The following LRTM3 variants were observed in gnomAD, a reference collection of about 807,000 sequenced individuals.
LRTM3 encodes the protein leucine-rich repeat transmembrane protein 3.
chr13:102,739,208 T>C, the LRTM3 span: 11 of 1,550,204 alleles, frequency 7.1e-6, no homozygotes, highest in African/African-American at 9.6e-5. Flanking sequence ...ATTGCTCCGT[T>C]GTGGTTCTTT....
chr13:102,733,153 C>A, the LRTM3 span: 2 of 1,551,438 alleles, frequency 1.3e-6, no homozygotes, highest in Admixed American at 3.9e-5. Context: ...GGATAGTGTT[C>A]GTCCTGGTCT....
the LRTM3 span, chr13:102,747,954 C>G: frequency 3.3e-5 from 51 of 1,551,120 alleles, no homozygotes; most frequent in Non-Finnish European, 8.7e-7. Context: ...GAATTTGCCT[C>G]TTTCTCCTGT....
the LRTM3 span, among the ~76,000 whole-genome samples, chr13:102,750,840 A>C: frequency 3.3e-5 from 5 of 152,202 alleles, no homozygotes; most frequent in Non-Finnish European, 5.9e-5. Flanking sequence ...CTTTGAGATC[A>C]AAAGAAAAGC....
At chr13:102,745,363 C>A in the LRTM3 span, 32 of 1,550,362 alleles carry the variant, frequency 2.1e-5, no homozygotes, top group Non-Finnish European at 2.6e-5. Flanking sequence ...TTTCTCTTAG[C>A]GTGTCTTTTT....
At chr13:102,758,734 G>A in the LRTM3 span, 14 of 1,550,160 alleles carry the variant, frequency 9.0e-6, no homozygotes, top group Non-Finnish European at 8.7e-7. Context: ...TTTTCAGGAA[G>A]TGTGGGCTTC....
the LRTM3 span, chr13:102,746,986 A>T: frequency 6.4e-7 from 1 of 1,551,170 alleles, no homozygotes; most frequent in Admixed American, 2.0e-5. Context: ...GGATTGGTTG[A>T]TGCATTTCTT....
the LRTM3 span, chr13:102,732,411 AAT>A: frequency 6.4e-7 from 1 of 1,551,196 alleles, no homozygotes; most frequent in African/African-American, 1.4e-5. Context: ...TTCATAGTTA[AAT>A]ATTTGGTGCT....
At chr13:102,748,006 C>T in the LRTM3 span, 3 of 1,551,014 alleles carry the variant, frequency 1.9e-6, no homozygotes, top group Non-Finnish European at 2.6e-6. Flanking sequence ...ATGTACAGCT[C>T]TTATCAATGT....
At chr13:102,739,852 T>C in the LRTM3 span, 2 of 1,550,132 alleles carry the variant, frequency 1.3e-6, no homozygotes, top group Non-Finnish European at 1.7e-6. Flanking sequence ...TTTCACTCAT[T>C]CTATGTTTCA....
the LRTM3 span, chr13:102,744,635 C>G: frequency 6.4e-7 from 1 of 1,550,804 alleles, no homozygotes; most frequent in Non-Finnish European, 8.7e-7. Context: ...CGGTTCAGAT[C>G]CTGATTTGCA....
chr13:102,743,769 G>A, the LRTM3 span: 2 of 1,550,260 alleles, frequency 1.3e-6, no homozygotes, highest in African/African-American at 1.4e-5. Flanking sequence ...TTGATTTTAT[G>A]TATCTGTGAA....
At chr13:102,742,810 T>G in the LRTM3 span, 1 of 1,550,436 alleles carries the variant, frequency 6.4e-7, no homozygotes, top group East Asian at 2.4e-5. Flanking sequence ...GGACAATTGC[T>G]GCCAAATTAC....
chr13:102,752,204 TC>T, the LRTM3 span, among the ~76,000 whole-genome samples: 5 of 152,286 alleles, frequency 3.3e-5, no homozygotes, highest in East Asian at 9.7e-4. Context: ...AACTCCACCC[TC>T]GGATCATGCT....
the LRTM3 span, chr13:102,739,372 AT>A: frequency 6.5e-7 from 1 of 1,550,112 alleles, no homozygotes; most frequent in Non-Finnish European, 8.7e-7. Context: ...AACTGTCTCT[AT>A]TAATTGACTC....
the LRTM3 span, chr13:102,739,902 G>A: frequency 1.9e-6 from 3 of 1,550,218 alleles, no homozygotes; most frequent in South Asian, 1.2e-5. Flanking sequence ...TGCATTTCTA[G>A]TCTGTTACTT....
the LRTM3 span, chr13:102,735,129 C>A: frequency 1.2e-5 from 18 of 1,551,128 alleles, 1 homozygote; most frequent in South Asian, 1.1e-4. Context: ...ACTTTCTGGA[C>A]CTTTTCCTCC....
the LRTM3 span, chr13:102,730,135 A>G: frequency 1.6e-5 from 25 of 1,550,008 alleles, no homozygotes; most frequent in South Asian, 3.0e-4. Flanking sequence ...AAGGTGGTGT[A>G]ATAATTAAGG....
chr13:102,736,879 A>G, the LRTM3 span: 26 of 1,551,000 alleles, frequency 1.7e-5, no homozygotes, highest in Non-Finnish European at 2.1e-5. Flanking sequence ...ATTTCCCTGT[A>G]TCTGATGATT....
chr13:102,755,318 C>G, the LRTM3 span, among the ~76,000 whole-genome samples: 1 of 151,452 alleles, frequency 6.6e-6, no homozygotes, highest in Admixed American at 6.6e-5. Context: ...TGCTTAGCTT[C>G]GGCCAATATA....
Sources: gnomAD v4.1 joint callset for allele counts (sites outside exome capture counted in the v4.1 genomes callset) on GRCh38, gnomAD v4.1.1 for gene constraint, MANE v1.5 for transcripts, NCBI Gene and HGNC (gene_info 2026-07-23, HGNC 2026-07-21) for gene names.